TRPC4: variants seen among roughly 807,000 people sequenced by gnomAD.
TRPC4 encodes the protein short transient receptor potential channel 4.
TRPC4 carries 49 observed loss-of-function variants against 99.4 expected under a neutral mutation model. The ratio of observed to expected loss-of-function variants is 0.49; its 90% confidence interval spans 0.39 to 0.63. TRPC4 has a LOEUF of 0.63. Among genes scored for constraint, TRPC4 ranks in the 20% least tolerant of loss-of-function variants. TRPC4 has a pLI of 0.00. For synonymous variants in TRPC4, 454 were observed against 425.9 expected (o/e 1.07, Z -0.81); for missense variants, 898 against 1,152.9 (o/e 0.78, Z 3.20).
chr13:37,737,008 C>T (rs962509145), intron 3 of TRPC4, among the ~76,000 whole-genome samples: 2 of 150,676 alleles, frequency 1.3e-5, no homozygotes, highest in African/African-American at 4.9e-5. Flanking sequence ...GCTGGGATTA[C>T]AGATGTAAGC....
chr13:37,794,218 G>A (rs114914084), intron 1 of TRPC4, among the ~76,000 whole-genome samples: 2,832 of 151,840 alleles, frequency 0.019, 87 homozygotes, highest in African/African-American at 0.065. Flanking sequence ...TTTTTTTGTT[G>A]TTTAATAATG....
At chr13:37,697,978 C>G (rs1245581311) in intron 3 of TRPC4, among the ~76,000 whole-genome samples, 2 of 151,444 alleles carry the variant, frequency 1.3e-5, no homozygotes, top group African/African-American at 4.9e-5. Context: ...TGTGTGTGAG[C>G]GTGCATGAGT....
In TRPC4 at chr13:37,636,972, A is replaced by G; in HGVS notation, c.2865T>C (p.Ser955=). The G allele has an allele frequency of 1.9e-6, 3 of 1,613,598 alleles. No homozygotes were observed. Among genetic ancestry groups the G allele is most frequent in the Non-Finnish European group, 2.5e-6 (3 of 1,179,656 alleles). ...PKEKHAKEED[S]SIDYDLNLPD... is the part of the protein sequence containing the mutation. ...GGAGGTTTAGATCATAGTCTATACT[A>G]GAGTCCTCTTCTTTTGCATGTTTCT... The change falls in exon 11 of 11, where the codon TCT becomes TCC. Residue 955 remains serine (S), a synonymous_variant. Coordinates refer to ENST00000379705, the MANE Select transcript of TRPC4 (RefSeq NM_016179.4).
At chr13:37,720,454 G>A (rs74047132) in intron 3 of TRPC4, among the ~76,000 whole-genome samples, 1 of 151,906 alleles carries the variant, frequency 6.6e-6, no homozygotes, top group Non-Finnish European at 1.5e-5. Context: ...GTTATTATTA[G>A]TAGTAGTAGT....
At chr13:37,700,493 A>G (rs537868488) in intron 3 of TRPC4, among the ~76,000 whole-genome samples, 1 of 152,318 alleles carries the variant, frequency 6.6e-6, no homozygotes, top group Admixed American at 6.5e-5. Flanking sequence ...ACTATCTCCC[A>G]GTAGGTCAAG....
At chr13:37,666,777 A>G (rs949654637) in intron 5 of TRPC4, among the ~76,000 whole-genome samples, 4 of 152,074 alleles carry the variant, frequency 2.6e-5, no homozygotes, top group Non-Finnish European at 4.4e-5. Context: ...GCCTCTTCTC[A>G]GTCTCCTTGG....
chr13:37,655,364 A>ATT (rs1353179439), intron 6 of TRPC4, 81 bp from the exon 7 acceptor site: 24 of 415,434 alleles, frequency 5.8e-5, no homozygotes, highest in Admixed American at 1.4e-4. Flanking sequence ...GCTTGGCATG[A>ATT]TTATATATAT....
At chr13:37,731,111 T>A (rs528102270) in intron 3 of TRPC4, among the ~76,000 whole-genome samples, 3 of 152,194 alleles carry the variant, frequency 2.0e-5, no homozygotes, top group South Asian at 2.1e-4. Context: ...ACATGTTAGA[T>A]TTTTAGCCAA....
intron 4 of TRPC4, among the ~76,000 whole-genome samples, chr13:37,690,711 C>T (rs764851618): frequency 4.6e-5 from 7 of 152,144 alleles, no homozygotes; most frequent in Non-Finnish European, 7.4e-5. Context: ...ATAAGTAAAA[C>T]ATCAAATCTT....
intron 3 of TRPC4, among the ~76,000 whole-genome samples, chr13:37,726,239 AT>A (rs1955053638): frequency 6.6e-6 from 1 of 152,086 alleles, no homozygotes; most frequent in Non-Finnish European, 1.5e-5. Flanking sequence ...TTGTTTTACA[AT>A]TCCACATTTT....
At position 37,832,698 on chromosome 13, in the gene TRPC4, T is replaced by C. The variant is rs74047194; in HGVS notation, c.-28+36897A>G. On this transcript the variant is annotated intron_variant, in intron 1 of 10. Coordinates refer to ENST00000379705, the MANE Select transcript of TRPC4 (RefSeq NM_016179.4). ...ATCAATAATTACAAAAATTTAAAAT[T>C]ATAAACACCCAAGGAAAAGATAGAG... 6.7e-3 allele frequency among the ~76,000 whole-genome samples: 1,021 copies of C among 152,200 alleles called. 14 individuals are homozygous for C. Among genetic ancestry groups the C allele is most frequent in the African/African-American group, 0.023 (967 of 41,516 alleles).
intron 5 of TRPC4, 28 bp from the exon 6 acceptor site, chr13:37,663,757 A>T: frequency 6.4e-7 from 1 of 1,567,256 alleles, no homozygotes. Flanking sequence ...ACAAAGGGAA[A>T]GTAAAACAAA....
Position 37,636,775 on chromosome 13 carries a change from A to ACATTTT in TRPC4, c.*127_*128insAAAATG. 1 of 1,306,006 alleles carries ACATTTT rather than the reference A, an allele frequency of 7.7e-7. No homozygotes were observed. The highest frequency in any genetic ancestry group is 1.0e-6 in the Non-Finnish European group (1 of 979,424). The allele number at this position is 1,306,006 out of a possible 1,614,324, so 80.9% of individuals were successfully genotyped here. On this transcript the variant is annotated 3_prime_UTR_variant, in exon 11 of 11. Coordinates refer to ENST00000379705, the MANE Select transcript of TRPC4 (RefSeq NM_016179.4). ...GCCTTATTTAAACATGTTACAGGTA[A>ACATTTT]TATGCCACAGCTGATAAACGCTATA...
intron 3 of TRPC4, among the ~76,000 whole-genome samples, chr13:37,725,615 C>T (rs1326673266): frequency 6.6e-6 from 1 of 151,822 alleles, no homozygotes; most frequent in East Asian, 1.9e-4. Flanking sequence ...AAAAAAGAAA[C>T]AAAAAAGAAA....
rs948335698 is a variant in TRPC4, at chr13:37,719,006, GA to G, written c.898-26672del. ...GTCAAACTTCTAAAACAACAAAAAAGAAAAAAAAATCTTAAAAGCAGTCTGA... is the reference window on the plus strand; with the variant it reads ...GTCAAACTTCTAAAACAACAAAAAAGAAAAAAAATCTTAAAAGCAGTCTGA... On this transcript the variant is annotated intron_variant, in intron 3 of 10. Coordinates refer to ENST00000379705, the MANE Select transcript of TRPC4 (RefSeq NM_016179.4). 3.3e-5 allele frequency among the ~76,000 whole-genome samples: 5 copies of G among 150,642 alleles called. No individual in the cohort carries two copies. The East Asian group carries it at 5.9e-4, about 18-fold the overall frequency.
intron 1 of TRPC4, among the ~76,000 whole-genome samples, chr13:37,828,372 A>G (rs1958312969): frequency 6.6e-6 from 1 of 152,224 alleles, no homozygotes; most frequent in African/African-American, 2.4e-5. Context: ...GGGAATGCTT[A>G]TACGGTGTTG....
At chr13:37,798,529 T>C (rs967506186) in intron 1 of TRPC4, among the ~76,000 whole-genome samples, 2 of 152,128 alleles carry the variant, frequency 1.3e-5, no homozygotes, top group African/African-American at 4.8e-5. Context: ...AAAATTAGAA[T>C]CTCAAAGTGT....
Position 37,830,857 on chromosome 13 carries a change from A to G in TRPC4, c.-28+38738T>C, listed in dbSNP as rs188508144. Among the ~76,000 whole-genome samples the G allele has an allele frequency of 5.0e-3, 744 of 149,262 alleles. 5 individuals carry two copies. The highest frequency in any genetic ancestry group is 0.017 in the African/African-American group (708 of 41,042). ...ATAAAGTGTAGAAGGGGAGAAAAGT[A>G]AGCGTAATGTTTTAACTTTCTTTTA... On this transcript the variant is annotated intron_variant, in intron 1 of 10. Coordinates refer to ENST00000379705, the MANE Select transcript of TRPC4 (RefSeq NM_016179.4).
rs192858487 is a variant in TRPC4 at position 37,782,640 on chromosome 13, C to T, written c.378+316G>A. On this transcript the variant is annotated intron_variant, in intron 2 of 10. Coordinates refer to ENST00000379705, the MANE Select transcript of TRPC4 (RefSeq NM_016179.4). The stretch of plus-strand genomic sequence containing the variant: ...ACACCCACACATACACATAAAGTTA[C>T]GAGCAACCTATGTTGAGCATTACAT... 1.8e-3 allele frequency among the ~76,000 whole-genome samples: 269 copies of T among 152,092 alleles called. 1 individual carries two copies. The highest frequency in any genetic ancestry group is 6.0e-3 in the African/African-American group (251 of 41,534).
Sources: allele counts gnomAD v4.1 joint callset (sites outside exome capture counted in the v4.1 genomes callset), GRCh38; gene constraint gnomAD v4.1.1; transcripts MANE v1.5; gene names NCBI Gene and HGNC (gene_info 2026-07-23, HGNC 2026-07-21).